Variants in ADAM20 observed in about 807,000 individuals in gnomAD.
The protein encoded by ADAM20 is ADAM metallopeptidase domain 20.
For synonymous variants in ADAM20, 305 were observed against 310.2 expected (o/e 0.98, Z 0.18); for missense variants, 871 against 883.2 (o/e 0.99, Z 0.18).
upstream of ADAM20, among the ~76,000 whole-genome samples, chr14:70,537,997 C>T (rs1255375538): frequency 6.6e-6 from 1 of 152,104 alleles, no homozygotes; most frequent in Non-Finnish European, 1.5e-5. Flanking sequence ...GAAAACCCTC[C>T]CTGGGTCTCT....
At chr14:70,544,276 A>G in the ADAM20 span, among the ~76,000 whole-genome samples, 1 of 152,222 alleles carries the variant, frequency 6.6e-6, no homozygotes, top group East Asian at 1.9e-4. Flanking sequence ...TCTCCAAAAT[A>G]AACCTGTCTT....
At chr14:70,526,748 A>G (rs1429944233) in intron 1 of ADAM20, among the ~76,000 whole-genome samples, 1 of 152,178 alleles carries the variant, frequency 6.6e-6, no homozygotes, top group Non-Finnish European at 1.5e-5. Flanking sequence ...CCTTTCCTCT[A>G]ATATTACTGG....
intron 1 of ADAM20, among the ~76,000 whole-genome samples, chr14:70,526,283 T>C (rs1330638798): frequency 6.6e-6 from 1 of 152,202 alleles, no homozygotes; most frequent in Non-Finnish European, 1.5e-5. Context: ...AGAGCACAAA[T>C]GAGCATGTGC....
At chr14:70,527,529 C>A (rs1258842291) in intron 1 of ADAM20, among the ~76,000 whole-genome samples, 1 of 152,186 alleles carries the variant, frequency 6.6e-6, no homozygotes, top group Non-Finnish European at 1.5e-5. Context: ...ACAAGAATCA[C>A]TTACCAGCAA....
intron 1 of ADAM20, among the ~76,000 whole-genome samples, chr14:70,534,082 CAA>C (rs59828723): frequency 2.3e-3 from 125 of 54,054 alleles, no homozygotes; most frequent in African/African-American, 6.4e-3. Context: ...GACCCTGTCT[CAA>C]AAAAAAAAAA....
At chr14:70,539,190 A>G (rs1465941399), upstream of ADAM20, among the ~76,000 whole-genome samples, 1 of 150,842 alleles carries the variant, frequency 6.6e-6, no homozygotes, top group African/African-American at 2.5e-5. Flanking sequence ...AACTACTGCT[A>G]TGGAATAAAA....
intron 1 of ADAM20, among the ~76,000 whole-genome samples, chr14:70,530,869 T>A (rs1883696067): frequency 6.8e-6 from 1 of 147,896 alleles, no homozygotes. Context: ...AGATAAATAC[T>A]GACATTTAAA....
the ADAM20 span, among the ~76,000 whole-genome samples, chr14:70,559,093 C>T: frequency 2.6e-5 from 4 of 152,112 alleles, no homozygotes; most frequent in Non-Finnish European, 5.9e-5. Flanking sequence ...TTCTGTAAAA[C>T]CTAAATTCAA....
Position 70,523,183 on chromosome 14 carries a change from A to G in ADAM20, c.1575T>C (p.Ser525=). Residue 525 remains serine, a synonymous_variant, in exon 2 of 2, where the codon AGT becomes AGC. Coordinates refer to ENST00000256389, the MANE Select transcript of ADAM20 (RefSeq NM_003814.5). ...CKEIFGQDAR[S]ASQSCYQEIN... ...TTTCTTGGTAGCAACTCTGAGATGCACTCCTTGCATCTTGGCCAAAAATCT... is the reference window on the plus strand; with the variant it reads ...TTTCTTGGTAGCAACTCTGAGATGCGCTCCTTGCATCTTGGCCAAAAATCT... 2 of 1,613,756 alleles carry G rather than the reference A, an allele frequency of 1.2e-6. No homozygotes were observed. The highest frequency in any genetic ancestry group is 1.7e-4 in the Middle Eastern group (1 of 6,058).
At chr14:70,553,159 T>A in the ADAM20 span, among the ~76,000 whole-genome samples, 2 of 39,644 alleles carry the variant, frequency 5.0e-5, no homozygotes, top group Non-Finnish European at 9.6e-5. Flanking sequence ...GGGACTGTGG[T>A]GGGGTCGGGG....
chr14:70,542,267 CAT>C, the ADAM20 span, among the ~76,000 whole-genome samples: 2 of 152,138 alleles, frequency 1.3e-5, no homozygotes, highest in Non-Finnish European at 2.9e-5. Context: ...AATATAGTTA[CAT>C]ATATAAGTTC....
At chr14:70,566,311 G>A in the ADAM20 span, among the ~76,000 whole-genome samples, 10 of 152,110 alleles carry the variant, frequency 6.6e-5, no homozygotes, top group Non-Finnish European at 1.2e-4. Flanking sequence ...AATTAAGGGA[G>A]AATAAATGGG....
At chr14:70,542,064 T>C in the ADAM20 span, among the ~76,000 whole-genome samples, 1 of 152,064 alleles carries the variant, frequency 6.6e-6, no homozygotes, top group South Asian at 2.1e-4. Flanking sequence ...AGTGATCTTT[T>C]TGATGTTTTG....
At chr14:70,571,796 C>T in the ADAM20 span, among the ~76,000 whole-genome samples, 1 of 152,044 alleles carries the variant, frequency 6.6e-6, no homozygotes, top group African/African-American at 2.4e-5. Context: ...TTTCAAGATA[C>T]AAAAATCAAT....
the ADAM20 span, among the ~76,000 whole-genome samples, chr14:70,558,418 AATG>A: frequency 2.0e-5 from 3 of 152,188 alleles, no homozygotes; most frequent in Admixed American, 2.0e-4. Flanking sequence ...ATATCTGGAT[AATG>A]ATGCTGGTGA....
At chr14:70,540,484 T>G in the ADAM20 span, among the ~76,000 whole-genome samples, 1 of 152,176 alleles carries the variant, frequency 6.6e-6, no homozygotes, top group Non-Finnish European at 1.5e-5. Flanking sequence ...CACCATATAT[T>G]TTTATTTGCA....
chr14:70,536,575 G>C (rs1883841497), upstream of ADAM20, among the ~76,000 whole-genome samples: 1 of 150,294 alleles, frequency 6.7e-6, no homozygotes, highest in Non-Finnish European at 1.5e-5. Context: ...TATTTACAGA[G>C]CAGGAGCATC....
rs140037614 is a variant in ADAM20, at chr14:70,522,608, C to T, written c.2150G>A (p.Arg717His). ...LFCLHVLFKK[R>H]TKSKEDEEG ...TTCTTCATCTTCTTTACTTTTTGTGCGTTTCTTAAAAAGCACATGTAAGCA... is the reference window on the plus strand; with the variant it reads ...TTCTTCATCTTCTTTACTTTTTGTGTGTTTCTTAAAAAGCACATGTAAGCA... Residue 717 changes from arginine (R) to histidine (H), a missense_variant, in exon 2 of 2, where the codon CGC (arginine) becomes CAC (histidine). Arg to His is a conservative substitution (Grantham distance 29, BLOSUM62 0). Coordinates refer to ENST00000256389, the MANE Select transcript of ADAM20 (RefSeq NM_003814.5). 149 of 1,610,366 alleles carry T rather than the reference C, an allele frequency of 9.3e-5. 1 individual carries two copies. In the African/African-American group the frequency reaches 1.4e-3, roughly 15 times the overall value.
Position 70,524,695 on chromosome 14 carries a change from C to T in ADAM20, c.63G>A (p.Met21Ile). ...RVTLLLLWFG[M>I]FLSISGHSQA... ...GAGAGTGGCCAGAAATAGACAAAAA[C>T]ATCCCAAACCAGAGCAGCAGAAGAG... The change falls in exon 2 of 2, where the codon ATG (methionine) becomes ATA (isoleucine). Residue 21 changes from methionine to isoleucine, a missense_variant. Physicochemically the swap from Met to Ile is conservative, Grantham distance 10 (BLOSUM62 1). Transcript: ENST00000256389. 2.5e-6 allele frequency: 4 copies of T among 1,613,996 alleles called. No homozygotes were observed. The highest frequency in any genetic ancestry group is 3.4e-6 in the Non-Finnish European group (4 of 1,179,934).
Sources: gnomAD v4.1 joint callset for allele counts (sites outside exome capture counted in the v4.1 genomes callset) on GRCh38, gnomAD v4.1.1 for gene constraint, MANE v1.5 for transcripts, NCBI Gene and HGNC (gene_info 2026-07-23, HGNC 2026-07-21) for gene names.